The following SULT2B1 variants were observed in gnomAD, a reference collection of about 807,000 sequenced individuals.
SULT2B1 encodes the protein sulfotransferase 2B1.
A neutral mutation model predicts 33.2 loss-of-function variants in SULT2B1; 16 were observed. The observed-to-expected ratio is 0.48, with a 90% CI of 0.33 to 0.73. The LOEUF (loss-of-function observed/expected upper bound fraction) is 0.73. SULT2B1 is among the 30% of genes least tolerant of loss of function. SULT2B1 has a pLI of 0.02. For synonymous variants in SULT2B1, 186 were observed against 200.5 expected, an observed-to-expected ratio of 0.93 and a Z score of 0.61; for missense variants, 500 against 506.0, an observed-to-expected ratio of 0.99 and a Z score of 0.11.
chr19:48,577,888 A>C (rs994179096), intron 2 of SULT2B1, among the ~76,000 whole-genome samples: 1 of 152,176 alleles, frequency 6.6e-6, no homozygotes, highest in African/African-American at 2.4e-5. Context: ...TAAAAATATG[A>C]CACTATGATT....
chr19:48,573,769 G>A lies in SULT2B1; in HGVS notation c.72-2172G>A, dbSNP rs4802491. The stretch of plus-strand genomic sequence containing the variant: ...GCTCTTGTGTGGCCACAGTCAAATC[G>A]CTTCCCTCCTTGAAGCTCCATGTCC... On this transcript the variant is annotated intron_variant, in intron 1 of 6. Transcript: ENST00000201586. Among the ~76,000 whole-genome samples the A allele has an allele frequency of 2.0e-5, 3 of 152,046 alleles. No individual in the cohort carries two copies. In the East Asian group the frequency reaches 5.8e-4, roughly 29 times the overall value.
At chr19:48,597,068 C>CCCT in intron 6 of SULT2B1, 149 bp downstream of exon 6, 1 of 947,346 alleles carries the variant, frequency 1.1e-6, no homozygotes, top group Non-Finnish European at 1.5e-6. Context: ...TGATCACGCA[C>CCCT]GGGGCTTAGC....
chr19:48,588,359 A>C (rs1973594200), intron 3 of SULT2B1, among the ~76,000 whole-genome samples: 1 of 151,684 alleles, frequency 6.6e-6, no homozygotes, highest in South Asian at 2.1e-4. Context: ...CTAAAAATAC[A>C]AAGTTAGCTG....
At chr19:48,583,542 G>A (rs1973522156) in intron 2 of SULT2B1, among the ~76,000 whole-genome samples, 1 of 152,236 alleles carries the variant, frequency 6.6e-6, no homozygotes, top group South Asian at 2.1e-4. Flanking sequence ...ATTCGTCCGG[G>A]TGCAGTGGCT....
rs999771850 is a variant in SULT2B1 at position 48,575,251 on chromosome 19, G to A, written c.72-690G>A. Among the ~76,000 whole-genome samples, 3 of 150,482 alleles carry A rather than the reference G, an allele frequency of 2.0e-5. No individual in the cohort carries two copies. The Admixed American group carries it at 2.0e-4, about 10-fold the overall frequency. On this transcript the variant is annotated intron_variant, in intron 1 of 6. Transcript: ENST00000201586. ...AGCCTCCCGAGTAGCTGGGATTGCA[G>A]GTGCCCACCACCACACCTGGCTAAT...
intron 2 of SULT2B1, among the ~76,000 whole-genome samples, 168 bp from the exon 3 acceptor site, chr19:48,587,061 G>A (rs1177518305): frequency 1.3e-5 from 2 of 151,906 alleles, no homozygotes; most frequent in South Asian, 2.1e-4. Context: ...GCAGTGAGCC[G>A]AGATCGCGCC....
intron 4 of SULT2B1, among the ~76,000 whole-genome samples, chr19:48,592,307 TAA>T (rs371366456): frequency 0.063 from 9,563 of 150,876 alleles, 340 homozygotes; most frequent in Non-Finnish European, 0.082. Flanking sequence ...AAATAAAAAA[TAA>T]AAAGAGATAA....
At chr19:48,576,984 T>C (rs971770864) in intron 2 of SULT2B1, among the ~76,000 whole-genome samples, 1 of 151,366 alleles carries the variant, frequency 6.6e-6, no homozygotes, top group Non-Finnish European at 1.5e-5. Flanking sequence ...AATTTGAGTG[T>C]TTGAGTTTGA....
chr19:48,563,465 G>A (rs549596868), intron 1 of SULT2B1, among the ~76,000 whole-genome samples: 6 of 152,296 alleles, frequency 3.9e-5, no homozygotes, highest in African/African-American at 1.4e-4. Context: ...ATTCTACTCA[G>A]CCGCAAATGG....
At chr19:48,560,954 C>T (rs1973168871) in intron 1 of SULT2B1, among the ~76,000 whole-genome samples, 1 of 151,676 alleles carries the variant, frequency 6.6e-6, no homozygotes, top group African/African-American at 2.4e-5. Context: ...AAGAGCAAAA[C>T]TCCGTCTCAA....
At chr19:48,558,081 GCTGT>G (rs1973124418) in intron 1 of SULT2B1, among the ~76,000 whole-genome samples, 1 of 152,152 alleles carries the variant, frequency 6.6e-6, no homozygotes, top group Non-Finnish European at 1.5e-5. Context: ...CCTGTTGAGT[GCTGT>G]CTGTATTACC....
intron 1 of SULT2B1, among the ~76,000 whole-genome samples, chr19:48,559,602 G>A (rs1283297138): frequency 2.0e-5 from 3 of 152,170 alleles, no homozygotes; most frequent in African/African-American, 7.2e-5. Flanking sequence ...GACCCATTTG[G>A]AAAGAACTAA....
intron 1 of SULT2B1, among the ~76,000 whole-genome samples, chr19:48,565,736 A>G (rs1458191509): frequency 2.6e-5 from 4 of 151,378 alleles, no homozygotes; most frequent in African/African-American, 9.7e-5. Context: ...AAACCACACA[A>G]ATCTAAAGTG....
chr19:48,564,551 CAAAAAAAA>C (rs770217698), intron 1 of SULT2B1, among the ~76,000 whole-genome samples: 19 of 57,634 alleles, frequency 3.3e-4, no homozygotes, highest in Admixed American at 1.0e-3. Context: ...GACTCCGTCT[CAAAAAAAA>C]AAAAAAAAAA....
intron 1 of SULT2B1, among the ~76,000 whole-genome samples, chr19:48,566,075 G>A (rs55654096): frequency 0.13 from 19,905 of 151,902 alleles, 1,423 homozygotes; most frequent in African/African-American, 0.16. Context: ...ACCACACCCA[G>A]CTATTTTCGT....
At chr19:48,569,597 C>T (rs149686247) in intron 1 of SULT2B1, among the ~76,000 whole-genome samples, 2,264 of 151,148 alleles carry the variant, frequency 0.015, no homozygotes, top group African/African-American at 0.051. Context: ...CTCCTGGCCT[C>T]AAGCAGTCCT....
intron 1 of SULT2B1, among the ~76,000 whole-genome samples, chr19:48,553,090 G>A (rs531357293): frequency 5.3e-5 from 8 of 151,744 alleles, no homozygotes; most frequent in South Asian, 2.1e-4. Context: ...ACCCCTCCCC[G>A]TGGCTCCATC....
chr19:48,561,315 C>T (rs1469190886), intron 1 of SULT2B1, among the ~76,000 whole-genome samples: 1 of 151,286 alleles, frequency 6.6e-6, no homozygotes, highest in Non-Finnish European at 1.5e-5. Context: ...GTAATCCCAG[C>T]TACTCTGCGA....
chr19:48,596,454 G>C (rs1410196950), intron 5 of SULT2B1: 2 of 210,158 alleles, frequency 9.5e-6, no homozygotes, highest in South Asian at 2.0e-4. Context: ...CTCTGCCCCC[G>C]GCTGTGACCT....
Sources: allele counts gnomAD v4.1 joint callset (sites outside exome capture counted in the v4.1 genomes callset), GRCh38; gene constraint gnomAD v4.1.1; transcripts MANE v1.5; gene names NCBI Gene and HGNC (gene_info 2026-07-23, HGNC 2026-07-21).